Variants in FAM135B observed in about 807,000 individuals in gnomAD.
FAM135B encodes family with sequence similarity 135 member B, also known as protein FAM135B.
Under a neutral mutation model 127.7 loss-of-function variants are expected in FAM135B, and 43 were observed. That is an observed-to-expected ratio of 0.34 (90% CI 0.26 to 0.43). FAM135B has a LOEUF of 0.43. Among genes scored for constraint, FAM135B ranks in the 20% least tolerant of loss-of-function variants. The probability of loss-of-function intolerance (pLI) is 1.00; values close to 1 mark genes in which losing one functional copy is unlikely to be tolerated. For synonymous variants in FAM135B, 670 were observed against 665.1 expected (o/e 1.01, Z -0.11); for missense variants, 1,558 against 1,725.6 (o/e 0.90, Z 1.72).
chr8:138,470,294 G>A (rs1390286119), intron 1 of FAM135B, among the ~76,000 whole-genome samples: 1 of 152,084 alleles, frequency 6.6e-6, no homozygotes, highest in Admixed American at 6.5e-5. Context: ...AATGAGACCA[G>A]GTGGGTATAA....
Position 138,151,352 on chromosome 8 carries a change from A to G in FAM135B, c.3123T>C (p.Cys1041=), listed in dbSNP as rs2130725922. Residue 1041 remains cysteine (C), a synonymous_variant, in exon 13 of 20, where the codon TGT becomes TGC. Coordinates refer to ENST00000395297, the MANE Select transcript of FAM135B (RefSeq NM_015912.4). ...VNLSVSCTAT[C]LPFSSVPKET... ...CCTTGGGCACAGATGAGAAAGGGAG[A>G]CAGGTGGCAGTGCAAGACACAGATA... The G allele has an allele frequency of 6.2e-7, 1 of 1,613,956 alleles. No homozygotes were observed. The highest frequency in any genetic ancestry group is 8.5e-7 in the Non-Finnish European group (1 of 1,179,940).
chr8:138,361,180 A>T (rs1443096370), intron 2 of FAM135B, among the ~76,000 whole-genome samples: 1 of 151,994 alleles, frequency 6.6e-6, no homozygotes, highest in Non-Finnish European at 1.5e-5. Context: ...CACCCTCCTC[A>T]GCCTCCCAAA....
At chr8:138,222,973 C>T (rs1435633606) in intron 7 of FAM135B, among the ~76,000 whole-genome samples, 4 of 152,062 alleles carry the variant, frequency 2.6e-5, no homozygotes, top group Admixed American at 6.6e-5. Context: ...AGGCTACTGT[C>T]GGGGACATGA....
intron 19 of FAM135B, among the ~76,000 whole-genome samples, chr8:138,136,468 T>A (rs1816668613): frequency 6.6e-6 from 1 of 152,188 alleles, no homozygotes; most frequent in Admixed American, 6.5e-5. Context: ...AATGGTACAA[T>A]GGTTATGTAA....
intron 3 of FAM135B, among the ~76,000 whole-genome samples, chr8:138,286,852 C>A (rs1347892240): frequency 6.6e-6 from 1 of 152,228 alleles, no homozygotes; most frequent in Non-Finnish European, 1.5e-5. Flanking sequence ...TAGCCTGGGG[C>A]TATGGCTCAA....
At chr8:138,321,100 G>A (rs377524626) in intron 2 of FAM135B, among the ~76,000 whole-genome samples, 2 of 152,220 alleles carry the variant, frequency 1.3e-5, no homozygotes, top group South Asian at 2.1e-4. Context: ...AAAACTTAAC[G>A]CTAGTAACTT....
At chr8:138,136,864 C>A (rs1464516038) in intron 19 of FAM135B, among the ~76,000 whole-genome samples, 11 of 152,198 alleles carry the variant, frequency 7.2e-5, no homozygotes, top group Non-Finnish European at 1.3e-4. Flanking sequence ...AGGGCAGGGC[C>A]TGTCTCATTG....
chr8:138,168,139 G>T, intron 11 of FAM135B, 90 bp from the exon 12 acceptor site: 1 of 1,393,934 alleles, frequency 7.2e-7, no homozygotes, highest in Non-Finnish European at 9.7e-7. Flanking sequence ...GAAAATACTC[G>T]GTTCTCAGCT....
intron 1 of FAM135B, among the ~76,000 whole-genome samples, chr8:138,491,142 CA>C (rs796189435): frequency 0.013 from 941 of 73,714 alleles, 3 homozygotes; most frequent in Middle Eastern, 0.017. Flanking sequence ...AACTCTCTCT[CA>C]AAAAAAAAAA....
At chr8:138,469,843 A>C (rs1416031297) in intron 1 of FAM135B, among the ~76,000 whole-genome samples, 1 of 152,214 alleles carries the variant, frequency 6.6e-6, no homozygotes, top group Non-Finnish European at 1.5e-5. Flanking sequence ...CTCTCAGTAC[A>C]TTCTCAAGCT....
intron 3 of FAM135B, among the ~76,000 whole-genome samples, chr8:138,278,395 A>C (rs1823995738): frequency 1.3e-5 from 2 of 151,762 alleles, no homozygotes; most frequent in South Asian, 2.1e-4. Flanking sequence ...CTCTCGTGTC[A>C]ATGAACACCT....
At chr8:138,237,047 G>A (rs1440876229) in intron 7 of FAM135B, among the ~76,000 whole-genome samples, 3 of 152,080 alleles carry the variant, frequency 2.0e-5, no homozygotes, top group Admixed American at 6.5e-5. Context: ...TTCCTCCGTC[G>A]GATGACGGAA....
At chr8:138,178,837 A>T in intron 9 of FAM135B, 147 bp from the exon 10 acceptor site, 2 of 629,086 alleles carry the variant, frequency 3.2e-6, no homozygotes, top group South Asian at 2.2e-5. Context: ...ATTACAACTC[A>T]TAGTACTATA....
rs1417716663 is a variant in FAM135B, at chr8:138,130,421, A to G, written c.*2172T>C. The G allele has an allele frequency of 6.6e-6, 1 of 152,166 alleles. No homozygotes were observed. The highest frequency in any genetic ancestry group is 2.4e-5 in the African/African-American group (1 of 41,440). The allele number at this position is 152,166 out of a possible 1,614,324, so 9.4% of individuals were successfully genotyped here. A position where few individuals can be genotyped will look rare whatever the true frequency, so the allele number is the denominator to read the frequency against. On this transcript the variant is annotated 3_prime_UTR_variant, in exon 20 of 20. Coordinates refer to ENST00000395297, the MANE Select transcript of FAM135B (RefSeq NM_015912.4). Reference sequence around the variant, plus strand: ...CCTATAAAAAAGAGGTGCACCATGCAGCTGGACGTTTATTGCCATTAGTTC... The same window carrying G: ...CCTATAAAAAAGAGGTGCACCATGCGGCTGGACGTTTATTGCCATTAGTTC...
At chr8:138,294,780 T>G (rs1825358237) in intron 3 of FAM135B, among the ~76,000 whole-genome samples, 1 of 152,174 alleles carries the variant, frequency 6.6e-6, no homozygotes, top group Admixed American at 6.5e-5. Flanking sequence ...AAAAGAAACC[T>G]GTTTAAGGTG....
rs750928394 is a variant in FAM135B at position 138,152,636 on chromosome 8, A to G, written c.1839T>C (p.His613=). Reference sequence around the variant, plus strand: ...TTCCCTTTCCTAGAGTACTTAATTCATGGAGAGTTGTTTTGTCTGAAGAGA... The same window carrying G: ...TTCCCTTTCCTAGAGTACTTAATTCGTGGAGAGTTGTTTTGTCTGAAGAGA... ...NAISSDKTTL[H]ELSTLGKGID... Residue 613 remains histidine (H), a synonymous_variant, in exon 13 of 20, where the codon CAT becomes CAC. Coordinates refer to ENST00000395297, the MANE Select transcript of FAM135B (RefSeq NM_015912.4). 1.2e-6 allele frequency: 2 copies of G among 1,614,078 alleles called. No homozygotes were observed. Among genetic ancestry groups the G allele is most frequent in the East Asian group, 4.5e-5 (2 of 44,870 alleles).
chr8:138,369,571 CT>C (rs1349380549), intron 1 of FAM135B, among the ~76,000 whole-genome samples: 1 of 152,190 alleles, frequency 6.6e-6, no homozygotes, highest in Non-Finnish European at 1.5e-5. Context: ...GAATTTCAAT[CT>C]GGCAAACATG....
chr8:138,405,119 T>C (rs1203688614), intron 1 of FAM135B, among the ~76,000 whole-genome samples: 2 of 152,158 alleles, frequency 1.3e-5, no homozygotes, highest in Non-Finnish European at 2.9e-5. Context: ...TCAGAATTGA[T>C]GTTGTGCTAG....
chr8:138,259,163 A>T (rs1291800276), intron 4 of FAM135B, among the ~76,000 whole-genome samples: 1 of 152,114 alleles, frequency 6.6e-6, no homozygotes, highest in Non-Finnish European at 1.5e-5. Flanking sequence ...CAAGGGCTCC[A>T]TTTCTTTGGC....
Sources: gnomAD v4.1 joint callset for allele counts (sites outside exome capture counted in the v4.1 genomes callset) on GRCh38, gnomAD v4.1.1 for gene constraint, MANE v1.5 for transcripts, NCBI Gene and HGNC (gene_info 2026-07-23, HGNC 2026-07-21) for gene names.